CUL1: variants seen among roughly 807,000 people sequenced by gnomAD.
CUL1 encodes cullin 1.
CUL1 carries 24 observed loss-of-function variants against 118.0 expected under a neutral mutation model. That is an observed-to-expected ratio of 0.20 (90% CI 0.15 to 0.29). The LOEUF is 0.29. CUL1 is among the 10% of genes least tolerant of loss of function. CUL1 has a pLI of 1.00. For missense variants in CUL1, 361 were observed against 933.8 expected (o/e 0.39, Z 7.99); for synonymous variants, 332 against 340.4 (o/e 0.98, Z 0.27).
chr7:148,714,328 A>G (rs1798143077), intron 1 of CUL1, among the ~76,000 whole-genome samples: 1 of 152,226 alleles, frequency 6.6e-6, no homozygotes, highest in Admixed American at 6.5e-5. Flanking sequence ...AAGATGTACT[A>G]TAAGCAGTTT....
At chr7:148,700,998 A>G (rs540433489) in intron 1 of CUL1, among the ~76,000 whole-genome samples, 1 of 152,228 alleles carries the variant, frequency 6.6e-6, no homozygotes, top group East Asian at 1.9e-4. Flanking sequence ...CACTTACTGA[A>G]TATTATCTTC....
intron 9 of CUL1, among the ~76,000 whole-genome samples, chr7:148,769,003 G>A (rs1199753700): frequency 6.6e-6 from 1 of 151,902 alleles, no homozygotes; most frequent in Non-Finnish European, 1.5e-5. Context: ...AGATCTCTAG[G>A]TTTTAGTAAA....
intron 9 of CUL1, among the ~76,000 whole-genome samples, chr7:148,774,245 C>G (rs973605285): frequency 2.0e-5 from 3 of 152,120 alleles, no homozygotes; most frequent in African/African-American, 4.8e-5. Context: ...GTACGATCGG[C>G]TAGTAACTCA....
chr7:148,734,310 G>T (rs1293409363), intron 2 of CUL1, among the ~76,000 whole-genome samples: 1 of 152,144 alleles, frequency 6.6e-6, no homozygotes, highest in East Asian at 1.9e-4. Context: ...TGCAGTTGTG[G>T]GTTCATGGCT....
At chr7:148,754,506 T>C (rs534452172) in intron 3 of CUL1, among the ~76,000 whole-genome samples, 1 of 152,342 alleles carries the variant, frequency 6.6e-6, no homozygotes, top group South Asian at 2.1e-4. Context: ...AAAGCTTTGA[T>C]AACCTTTTAG....
At chr7:148,707,660 G>A (rs1048790823) in intron 1 of CUL1, among the ~76,000 whole-genome samples, 1 of 151,632 alleles carries the variant, frequency 6.6e-6, no homozygotes, top group Non-Finnish European at 1.5e-5. Context: ...TCCCTGACAG[G>A]CCCCAGTGAG....
intron 1 of CUL1, among the ~76,000 whole-genome samples, chr7:148,703,542 G>GTT (rs202237152): frequency 1.4e-5 from 2 of 147,364 alleles, no homozygotes; most frequent in East Asian, 1.9e-4. Context: ...TTTGTTTTTT[G>GTT]TTTTTTTTGA....
chr7:148,788,749 T>C lies in CUL1; in HGVS notation c.1597+75T>C, dbSNP rs949763016. On this transcript the variant is annotated intron_variant, in intron 14 of 21. Coordinates refer to ENST00000325222, the MANE Select transcript of CUL1 (RefSeq NM_003592.3). ...AGCAAATGAAGAAATGACAAAATAT[T>C]AGGTGAAGATGGGAGGGGCTTTGTC... 2.5e-5 allele frequency: 24 copies of C among 958,658 alleles called. No individual in the cohort carries two copies. The African/African-American group carries it at 3.6e-4, about 14-fold the overall frequency. The allele number at this position is 958,658 out of a possible 1,614,324, so 59.4% of individuals were successfully genotyped here.
intron 9 of CUL1, among the ~76,000 whole-genome samples, chr7:148,774,489 T>C (rs1800331207): frequency 6.6e-6 from 1 of 152,236 alleles, no homozygotes; most frequent in Admixed American, 6.5e-5. Context: ...TGTTAATTCT[T>C]GACTATACAA....
intron 2 of CUL1, among the ~76,000 whole-genome samples, chr7:148,745,715 CA>C (rs1187221754): frequency 6.9e-6 from 1 of 145,366 alleles, no homozygotes; most frequent in Non-Finnish European, 1.5e-5. Context: ...GGTCAAAGAA[CA>C]AAACAAGCAT....
rs753882492 is a variant in CUL1, at chr7:148,766,698, T to C, written c.927T>C (p.Asn309=). The C allele has an allele frequency of 1.9e-6, 3 of 1,612,654 alleles. No individual in the cohort carries two copies. Among genetic ancestry groups the C allele is most frequent in the Non-Finnish European group, 2.5e-6 (3 of 1,179,642 alleles). ...AAATTTTCCACACAGAATTTCAGAA[T>C]TTATTGGATGCTGACAAAAATGAAG... ...HLEIFHTEFQ[N]LLDADKNEDL... is the part of the protein sequence containing the mutation. Residue 309 remains asparagine, a synonymous_variant, in exon 8 of 22, where the codon AAT becomes AAC. Transcript: ENST00000325222.
chr7:148,767,813 T>C (rs1800056178), intron 9 of CUL1, 64 bp downstream of exon 9: 1 of 1,488,766 alleles, frequency 6.7e-7, no homozygotes, highest in South Asian at 1.2e-5. Context: ...TGCAAGCATA[T>C]GTTATGCGTC....
chr7:148,777,132 C>G (rs1191339078), intron 9 of CUL1, among the ~76,000 whole-genome samples: 1 of 152,180 alleles, frequency 6.6e-6, no homozygotes, highest in Non-Finnish European at 1.5e-5. Flanking sequence ...ATGTAGGTGT[C>G]AGCCAGGACT....
chr7:148,784,699 A>G (rs1800760531), intron 11 of CUL1, among the ~76,000 whole-genome samples: 1 of 152,214 alleles, frequency 6.6e-6, no homozygotes, highest in South Asian at 2.1e-4. Flanking sequence ...ATTTTAATGA[A>G]GGAAGCTAAT....
intron 1 of CUL1, among the ~76,000 whole-genome samples, chr7:148,725,779 A>G (rs530409932): frequency 6.6e-6 from 1 of 152,210 alleles, no homozygotes. Context: ...TTGCTGTATT[A>G]GTTATTAATG....
At chr7:148,778,095 A>AAG (rs1563166635) in intron 9 of CUL1, among the ~76,000 whole-genome samples, 8 of 80,740 alleles carry the variant, frequency 9.9e-5, no homozygotes, top group Non-Finnish European at 1.8e-4. Flanking sequence ...AAAAAAAAAA[A>AAG]AAGAAGAAGA....
intron 9 of CUL1, among the ~76,000 whole-genome samples, chr7:148,781,079 ATTTTTTTTT>A (rs1197920664): frequency 1.1e-5 from 1 of 93,732 alleles, no homozygotes; most frequent in Non-Finnish European, 1.9e-5. Flanking sequence ...TCAAGGCCAG[ATTTTTTTTT>A]TTTTTTTTTT....
chr7:148,743,698 C>T (rs1055116000), intron 2 of CUL1, among the ~76,000 whole-genome samples: 11 of 151,294 alleles, frequency 7.3e-5, no homozygotes, highest in Admixed American at 4.6e-4. Flanking sequence ...GAGGCCAAGG[C>T]GGGCAGATCG....
intron 2 of CUL1, among the ~76,000 whole-genome samples, chr7:148,742,742 C>G (rs1258453124): frequency 6.6e-6 from 1 of 151,852 alleles, no homozygotes; most frequent in Non-Finnish European, 1.5e-5. Context: ...GCTGGAATTA[C>G]AGACATGCAC....
Sources: allele counts gnomAD v4.1 joint callset (sites outside exome capture counted in the v4.1 genomes callset), GRCh38; gene constraint gnomAD v4.1.1; transcripts MANE v1.5; gene names NCBI Gene and HGNC (gene_info 2026-07-23, HGNC 2026-07-21).